ARHGAP32: variants seen among roughly 807,000 people sequenced by gnomAD.
ARHGAP32 encodes the protein Rho GTPase activating protein 32.
ARHGAP32 carries 51 observed loss-of-function variants against 186.5 expected under a neutral mutation model. The ratio of observed to expected loss-of-function variants is 0.27; its 90% CI spans 0.22 to 0.35. The LOEUF (loss-of-function observed/expected upper bound fraction) is 0.35. ARHGAP32 is among the 10% of genes least tolerant of loss of function. The pLI is 1.00. For missense variants in ARHGAP32, 2,186 were observed against 2,623.5 expected (o/e 0.83, Z 3.64); for synonymous variants, 950 against 964.3 (o/e 0.99, Z 0.27).
chr11:129,263,187 T>C (rs1459862589), intron 1 of ARHGAP32, among the ~76,000 whole-genome samples: 2 of 152,144 alleles, frequency 1.3e-5, no homozygotes, highest in African/African-American at 4.8e-5. Flanking sequence ...TGGCAATAAT[T>C]TTTTGGACAT....
intron 1 of ARHGAP32, among the ~76,000 whole-genome samples, chr11:129,165,341 C>T (rs1398529968): frequency 6.6e-6 from 1 of 151,762 alleles, no homozygotes; most frequent in Admixed American, 6.6e-5. Context: ...CAAGCAAGCA[C>T]TGCCAAGATG....
At chr11:129,196,927 C>T (rs576895187), upstream of ARHGAP32, among the ~76,000 whole-genome samples, 1 of 152,122 alleles carries the variant, frequency 6.6e-6, no homozygotes, top group African/African-American at 2.4e-5. Context: ...CTTGGTGATG[C>T]ATGCATGTAA....
At chr11:129,209,456 T>TA (rs1298498937) in intron 1 of ARHGAP32, among the ~76,000 whole-genome samples, 5 of 150,926 alleles carry the variant, frequency 3.3e-5, no homozygotes, top group East Asian at 2.0e-4. Flanking sequence ...AAAGTAAATA[T>TA]AAAAAAAAGT....
intron 12 of ARHGAP32, among the ~76,000 whole-genome samples, chr11:128,995,155 A>G (rs1946163330): frequency 6.6e-6 from 1 of 152,220 alleles, no homozygotes; most frequent in Non-Finnish European, 1.5e-5. Context: ...CAAAAGTTGT[A>G]TCTACCATTT....
At chr11:129,143,617 T>C (rs1051374689) in intron 2 of ARHGAP32, among the ~76,000 whole-genome samples, 4 of 152,132 alleles carry the variant, frequency 2.6e-5, no homozygotes, top group East Asian at 1.9e-4. Context: ...GACTTAATAA[T>C]AGCCCCAAAG....
At chr11:129,202,712 A>C (rs1307773570) in intron 1 of ARHGAP32, among the ~76,000 whole-genome samples, 1 of 152,192 alleles carries the variant, frequency 6.6e-6, no homozygotes, top group Admixed American at 6.5e-5. Context: ...CATTAATAAA[A>C]AGATACAATA....
intron 1 of ARHGAP32, among the ~76,000 whole-genome samples, chr11:129,244,529 A>AG (rs1298908032): frequency 5.9e-5 from 9 of 152,342 alleles, no homozygotes; most frequent in African/African-American, 2.2e-4. Context: ...TTCAGGACAT[A>AG]GGCATGGGCA....
chr11:129,236,211 A>G (rs1322865684), intron 1 of ARHGAP32, among the ~76,000 whole-genome samples: 1 of 151,822 alleles, frequency 6.6e-6, no homozygotes, highest in Non-Finnish European at 1.5e-5. Context: ...TTCCCTTTTC[A>G]CTGCATCCAC....
Position 128,973,355 on chromosome 11 carries a change from T to C in ARHGAP32, c.3151A>G (p.Lys1051Glu). ...VSLIPPPPPP[K>E]NVARMLALAL... Reference sequence around the variant, plus strand: ...AGCGCCAACATTCGGGCAACATTTTTCGGAGGCGGTGGTGGTGGGATAAGA... The same window carrying C: ...AGCGCCAACATTCGGGCAACATTTTCCGGAGGCGGTGGTGGTGGGATAAGA... Residue 1051 changes from lysine (K) to glutamate (E), a missense_variant, in exon 22 of 23, where the codon AAA (lysine) becomes GAA (glutamate). Physicochemically the swap from Lys to Glu is moderately conservative, Grantham distance 56. Around this residue, in one of 5 missense-constraint regions of ARHGAP32, gnomAD observed 1,502 missense variants for 1,570.0 expected, o/e 0.96. Coordinates refer to ENST00000682385, the MANE Select transcript of ARHGAP32 (RefSeq NM_001378024.1). The C allele has an allele frequency of 6.2e-7, 1 of 1,614,062 alleles. No individual in the cohort carries two copies. Among genetic ancestry groups the C allele is most frequent in the South Asian group, 1.1e-5 (1 of 91,074 alleles).
intron 11 of ARHGAP32, among the ~76,000 whole-genome samples, chr11:129,023,053 T>C (rs948295965): frequency 1.3e-5 from 2 of 152,126 alleles, no homozygotes; most frequent in Non-Finnish European, 2.9e-5. Flanking sequence ...TAAGCACTAG[T>C]GCAACAATCC....
chr11:128,968,763 T>C lies in ARHGAP32; in HGVS notation c.*144A>G, dbSNP rs774348714. On this transcript the variant is annotated 3_prime_UTR_variant, in exon 23 of 23. Transcript: ENST00000682385. ...AATGAAGCAGGGAAGGGGAAAAAGA[T>C]GCTGATTTGTTTACTTTTATTATCA... 1.4e-3 allele frequency: 846 copies of C among 621,068 alleles called. 14 individuals are homozygous for C. Among genetic ancestry groups the C allele is most frequent in the Admixed American group, 3.5e-4 (9 of 25,804 alleles). 38.5% of individuals were successfully genotyped at this position (621,068 alleles called of 1,614,324 possible). A position where few individuals can be genotyped will look rare whatever the true frequency, so the allele number is the denominator to read the frequency against.
intron 15 of ARHGAP32, 38 bp from the exon 16 acceptor site, chr11:128,981,974 T>A: frequency 1.5e-6 from 2 of 1,319,628 alleles, no homozygotes; most frequent in Non-Finnish European, 2.2e-6. Flanking sequence ...GAAAGAAACA[T>A]GATGCAGCAG....
intron 9 of ARHGAP32, among the ~76,000 whole-genome samples, chr11:129,063,212 C>T (rs1940573337): frequency 8.5e-6 from 1 of 117,828 alleles, no homozygotes; most frequent in African/African-American, 2.8e-5. Flanking sequence ...TATATGCTAA[C>T]ATCATCATTC....
At chr11:129,211,503 A>T (rs1045352838) in intron 1 of ARHGAP32, among the ~76,000 whole-genome samples, 3 of 152,220 alleles carry the variant, frequency 2.0e-5, no homozygotes, top group African/African-American at 7.2e-5. Flanking sequence ...TAGAACAGTT[A>T]TTCATTCCCT....
chr11:129,053,059 C>T (rs902919261), intron 10 of ARHGAP32, among the ~76,000 whole-genome samples: 3 of 151,786 alleles, frequency 2.0e-5, no homozygotes, highest in African/African-American at 4.8e-5. Flanking sequence ...CACATGTACC[C>T]TAGAACTTAA....
Position 129,171,732 on chromosome 11 carries a change from T to C in ARHGAP32, c.117-7305A>G, listed in dbSNP as rs185324384. ...AATGTCAATGGTAGCTTGATGGGAA[T>C]AGCACTGAATCTATAAATTACTTCA... On this transcript the variant is annotated intron_variant, in intron 1 of 22. Coordinates refer to ENST00000682385, the MANE Select transcript of ARHGAP32 (RefSeq NM_001378024.1). Among the ~76,000 whole-genome samples, 44 of 152,344 alleles carry C rather than the reference T, an allele frequency of 2.9e-4. 1 individual carries two copies. Among genetic ancestry groups the C allele is most frequent in the African/African-American group, 1.0e-3 (43 of 41,596 alleles).
chr11:129,025,553 C>T (rs189272040), intron 11 of ARHGAP32, among the ~76,000 whole-genome samples: 1 of 152,250 alleles, frequency 6.6e-6, no homozygotes, highest in East Asian at 1.9e-4. Flanking sequence ...GGCAAAGCCA[C>T]TCTTCTTTTC....
chr11:128,973,599 T>A (rs1945457605), intron 21 of ARHGAP32, 167 bp from the exon 22 acceptor site: 1 of 701,044 alleles, frequency 1.4e-6, no homozygotes, highest in Middle Eastern at 4.0e-4. Context: ...TGAAAACACA[T>A]CTGGTTCAGA....
At chr11:129,231,486 C>T (rs1320879979) in intron 1 of ARHGAP32, among the ~76,000 whole-genome samples, 1 of 152,116 alleles carries the variant, frequency 6.6e-6, no homozygotes, top group Non-Finnish European at 1.5e-5. Flanking sequence ...CTAGGGAAGT[C>T]CTGGTTCCAG....
Sources: gnomAD v4.1 joint callset for allele counts (sites outside exome capture counted in the v4.1 genomes callset) on GRCh38, gnomAD v4.1.1 for gene constraint, gnomAD v4.1.1 regional missense constraint, MANE v1.5 for transcripts, NCBI Gene and HGNC (gene_info 2026-07-23, HGNC 2026-07-21) for gene names.